The following GRID2 variants were observed in gnomAD, a reference collection of about 807,000 sequenced individuals.
GRID2 encodes glutamate ionotropic receptor delta type subunit 2, also known as glutamate receptor ionotropic, delta-2.
Under a neutral mutation model 114.8 loss-of-function variants are expected in GRID2, and 33 were observed. That is an observed-to-expected ratio of 0.29 (90% CI 0.22 to 0.38). The LOEUF is 0.38. Among genes scored for constraint, GRID2 ranks in the 10% least tolerant of loss-of-function variants. The pLI is 1.00. For synonymous variants in GRID2, 505 were observed against 449.9 expected, an observed-to-expected ratio of 1.12 and a Z score of -1.55; for missense variants, 1,184 against 1,257.7, an observed-to-expected ratio of 0.94 and a Z score of 0.89.
At chr4:93,594,547 G>A (rs1253879005) in intron 13 of GRID2, among the ~76,000 whole-genome samples, 7 of 152,292 alleles carry the variant, frequency 4.6e-5, no homozygotes, top group Non-Finnish European at 8.8e-5. Context: ...GCCTACAGAG[G>A]CAGGCAGGCC....
chr4:92,578,382 C>T (rs1025723685), intron 1 of GRID2, among the ~76,000 whole-genome samples: 10 of 146,112 alleles, frequency 6.8e-5, no homozygotes, highest in South Asian at 6.6e-4. Flanking sequence ...GGTTTTTTGT[C>T]CTTGCGATAG....
chr4:93,285,402 T>G (rs902688513), intron 8 of GRID2, among the ~76,000 whole-genome samples: 5 of 151,990 alleles, frequency 3.3e-5, no homozygotes, highest in African/African-American at 1.2e-4. Flanking sequence ...TATATAAACC[T>G]TTATCATGAA....
intron 2 of GRID2, among the ~76,000 whole-genome samples, chr4:92,764,915 A>G (rs1738187267): frequency 6.6e-6 from 1 of 152,228 alleles, no homozygotes; most frequent in African/African-American, 2.4e-5. Flanking sequence ...GGAAACATTA[A>G]AATAAACACA....
At chr4:92,730,346 A>G (rs562415340) in intron 2 of GRID2, among the ~76,000 whole-genome samples, 31 of 151,980 alleles carry the variant, frequency 2.0e-4, no homozygotes, top group African/African-American at 7.0e-4. Flanking sequence ...CCACAGGAAA[A>G]GTTGTTTTGA....
chr4:92,544,337 G>C (rs771368880), intron 1 of GRID2, among the ~76,000 whole-genome samples: 5 of 152,044 alleles, frequency 3.3e-5, no homozygotes, highest in Admixed American at 6.6e-5. Context: ...GAGGGAAATG[G>C]CTTTTATGCT....
chr4:92,930,136 T>A (rs752919417), intron 2 of GRID2, among the ~76,000 whole-genome samples: 1 of 151,270 alleles, frequency 6.6e-6, no homozygotes, highest in Non-Finnish European at 1.5e-5. Flanking sequence ...ACAAAGTAAA[T>A]GACTTACTCA....
At chr4:92,332,270 C>T (rs946199953) in intron 1 of GRID2, among the ~76,000 whole-genome samples, 2 of 152,042 alleles carry the variant, frequency 1.3e-5, no homozygotes, top group African/African-American at 4.8e-5. Context: ...TCTAATGGCA[C>T]AAGGCAGAAG....
chr4:92,708,976 G>C (rs1196859173), intron 2 of GRID2, among the ~76,000 whole-genome samples: 2 of 152,116 alleles, frequency 1.3e-5, no homozygotes, highest in Non-Finnish European at 2.9e-5. Flanking sequence ...CTCCAGGATA[G>C]AATGTGATGT....
At chr4:92,919,266 C>T (rs1242058755) in intron 2 of GRID2, among the ~76,000 whole-genome samples, 1 of 151,842 alleles carries the variant, frequency 6.6e-6, no homozygotes, top group Non-Finnish European at 1.5e-5. Flanking sequence ...GTCTTGGTAG[C>T]TGTCTATCAA....
At chr4:93,610,898 C>G in intron 13 of GRID2, among the ~76,000 whole-genome samples, 1 of 139,884 alleles carries the variant, frequency 7.1e-6, no homozygotes, top group Non-Finnish European at 1.5e-5. Flanking sequence ...GGTACCAGTT[C>G]CTCCTTGTAC....
chr4:92,512,323 C>T (rs1204400056), intron 1 of GRID2, among the ~76,000 whole-genome samples: 2 of 151,808 alleles, frequency 1.3e-5, no homozygotes, highest in African/African-American at 2.4e-5. Context: ...AATAATGCTG[C>T]TCTAAGCATG....
chr4:93,488,676 G>C (rs998770339), intron 11 of GRID2, among the ~76,000 whole-genome samples: 1 of 151,834 alleles, frequency 6.6e-6, no homozygotes, highest in Non-Finnish European at 1.5e-5. Context: ...AGACTCGGTG[G>C]CTTAACAATG....
At chr4:93,322,899 T>A (rs1310266823) in intron 8 of GRID2, among the ~76,000 whole-genome samples, 2 of 152,286 alleles carry the variant, frequency 1.3e-5, no homozygotes, top group East Asian at 3.9e-4. Context: ...GGTTGTTTGT[T>A]TTTTTATTGT....
chr4:92,460,986 C>A (rs1291320762), intron 1 of GRID2, among the ~76,000 whole-genome samples: 2 of 151,900 alleles, frequency 1.3e-5, no homozygotes, highest in South Asian at 2.1e-4. Flanking sequence ...TTCCTCCCTT[C>A]TTCCTCATAT....
intron 13 of GRID2, among the ~76,000 whole-genome samples, chr4:93,622,826 A>G (rs1254107427): frequency 1.3e-5 from 2 of 152,202 alleles, no homozygotes; most frequent in East Asian, 1.9e-4. Context: ...TTAAAAGGCA[A>G]CAATTAAATA....
At chr4:92,991,231 A>G (rs953382139) in intron 2 of GRID2, among the ~76,000 whole-genome samples, 1 of 152,168 alleles carries the variant, frequency 6.6e-6, no homozygotes, top group African/African-American at 2.4e-5. Context: ...TGTAATAATC[A>G]TGGTTTGCAA....
chr4:92,798,417 T>G (rs1739994472), intron 2 of GRID2, among the ~76,000 whole-genome samples: 1 of 152,054 alleles, frequency 6.6e-6, no homozygotes, highest in East Asian at 1.9e-4. Flanking sequence ...CTGTTGGTGT[T>G]AGTCAGTCAG....
At chr4:93,291,753 ATG>A (rs1579565835) in intron 8 of GRID2, among the ~76,000 whole-genome samples, 1 of 152,114 alleles carries the variant, frequency 6.6e-6, no homozygotes, top group African/African-American at 2.4e-5. Context: ...AAATTTGTTT[ATG>A]TGTGTGCACG....
chr4:93,091,263 G>T (rs925737416), intron 3 of GRID2, among the ~76,000 whole-genome samples: 1 of 152,096 alleles, frequency 6.6e-6, no homozygotes, highest in South Asian at 2.1e-4. Context: ...GGCAGAGAAG[G>T]TATTTAGAGG....
Sources: allele counts gnomAD v4.1 joint callset (sites outside exome capture counted in the v4.1 genomes callset), GRCh38; gene constraint gnomAD v4.1.1; transcripts MANE v1.5; gene names NCBI Gene and HGNC (gene_info 2026-07-23, HGNC 2026-07-21).